The following DPYD variants were observed in gnomAD, a reference collection of about 807,000 sequenced individuals.
The protein encoded by DPYD is dihydropyrimidine dehydrogenase [NADP(+)].
DPYD carries 109 observed loss-of-function variants against 116.2 expected under a neutral mutation model. The observed-to-expected ratio is 0.94, with a 90% CI of 0.80 to 1.10. The LOEUF is 1.10. Among genes scored for constraint, DPYD ranks in the 50% least tolerant of loss-of-function variants. DPYD has a pLI of 0.00. For missense variants in DPYD, 1,302 were observed against 1,254.5 expected (o/e 1.04, Z -0.57); for synonymous variants, 440 against 432.0 (o/e 1.02, Z -0.23).
At chr1:97,603,468 T>A (rs930559839) in intron 8 of DPYD, among the ~76,000 whole-genome samples, 2 of 151,920 alleles carry the variant, frequency 1.3e-5, no homozygotes, top group South Asian at 4.1e-4. Context: ...TCGACATACA[T>A]AACGGAAAAA....
chr1:97,218,354 A>G (rs1660552431), intron 19 of DPYD, among the ~76,000 whole-genome samples: 1 of 151,996 alleles, frequency 6.6e-6, no homozygotes, highest in Admixed American at 6.6e-5. Flanking sequence ...ACAAAAAATG[A>G]CCAAAAACAT....
chr1:97,549,435 C>A, intron 12 of DPYD, 125 bp downstream of exon 12: 1 of 1,038,310 alleles, frequency 9.6e-7, no homozygotes, highest in Non-Finnish European at 1.4e-6. Context: ...CAAGTATGTA[C>A]GTGACATATT....
intron 14 of DPYD, among the ~76,000 whole-genome samples, chr1:97,394,950 C>G (rs1330392664): frequency 1.3e-5 from 2 of 151,964 alleles, no homozygotes; most frequent in Non-Finnish European, 2.9e-5. Flanking sequence ...CTGGTTTATG[C>G]AGGTAAGGGA....
chr1:97,781,888 T>C (rs1204532511), intron 3 of DPYD, among the ~76,000 whole-genome samples: 2 of 152,188 alleles, frequency 1.3e-5, no homozygotes, highest in Admixed American at 6.5e-5. Flanking sequence ...AACCACACCA[T>C]GCATGTCCAC....
chr1:97,229,190 C>A lies in DPYD; in HGVS notation c.2442+5662G>T, dbSNP rs181621656. On this transcript the variant is annotated intron_variant, in intron 19 of 22. Transcript: ENST00000370192. ...CTGCACTCCAGCCTGGGCAACAGTG[C>A]GAGACTCCTTCTCAAAAAAAAAAAA... Among the ~76,000 whole-genome samples the A allele has an allele frequency of 3.0e-3, 342 of 113,236 alleles. 1 individual carries two copies. Among genetic ancestry groups the A allele is most frequent in the Non-Finnish European group, 4.0e-3 (241 of 60,124 alleles). The allele number at this position is 113,236 out of a possible 152,430, so 74.3% of individuals were successfully genotyped here.
intron 18 of DPYD, among the ~76,000 whole-genome samples, chr1:97,288,547 C>T (rs1460100907): frequency 6.6e-6 from 1 of 152,036 alleles, no homozygotes; most frequent in East Asian, 1.9e-4. Context: ...CAAAACTGCT[C>T]AACTACACGG....
At chr1:97,766,288 G>C (rs1665852750) in intron 3 of DPYD, among the ~76,000 whole-genome samples, 1 of 151,960 alleles carries the variant, frequency 6.6e-6, no homozygotes, top group Admixed American at 6.6e-5. Flanking sequence ...TTTAAAGTAA[G>C]ATAATATACC....
intron 10 of DPYD, among the ~76,000 whole-genome samples, chr1:97,576,176 A>G (rs1653249573): frequency 6.6e-6 from 1 of 152,214 alleles, no homozygotes; most frequent in Non-Finnish European, 1.5e-5. Context: ...TTTGTGCCAC[A>G]TATCACCTTA....
intron 14 of DPYD, among the ~76,000 whole-genome samples, chr1:97,416,102 T>C (rs1338443537): frequency 1.3e-5 from 2 of 152,174 alleles, no homozygotes; most frequent in Non-Finnish European, 2.9e-5. Context: ...ACCATTGATG[T>C]TTCAGTTCTC....
chr1:97,132,525 C>T (rs1653417727), intron 20 of DPYD, among the ~76,000 whole-genome samples: 1 of 152,044 alleles, frequency 6.6e-6, no homozygotes, highest in South Asian at 2.1e-4. Context: ...ACAATAATAA[C>T]TATAGAACAT....
chr1:97,491,156 T>A (rs918227678), intron 13 of DPYD, among the ~76,000 whole-genome samples: 22 of 147,722 alleles, frequency 1.5e-4, no homozygotes, highest in Non-Finnish European at 2.8e-4. Flanking sequence ...AGATACTACA[T>A]AATAAAATAT....
At chr1:97,441,458 C>G (rs1675791359) in intron 14 of DPYD, among the ~76,000 whole-genome samples, 1 of 152,040 alleles carries the variant, frequency 6.6e-6, no homozygotes, top group South Asian at 2.1e-4. Context: ...TTTAAGGTTA[C>G]TAATCATTTC....
At chr1:97,368,787 T>C (rs1175672866) in intron 16 of DPYD, among the ~76,000 whole-genome samples, 1 of 152,192 alleles carries the variant, frequency 6.6e-6, no homozygotes, top group Non-Finnish European at 1.5e-5. Context: ...CACATATTCT[T>C]AGTCAAATGT....
At chr1:97,584,073 C>G (rs1335771508) in intron 10 of DPYD, among the ~76,000 whole-genome samples, 1 of 152,162 alleles carries the variant, frequency 6.6e-6, no homozygotes, top group Non-Finnish European at 1.5e-5. Context: ...CTCTCCAGCA[C>G]CTGTGGTTTC....
chr1:97,366,406 T>C (rs2101468611), intron 16 of DPYD, among the ~76,000 whole-genome samples: 1 of 152,328 alleles, frequency 6.6e-6, no homozygotes, highest in South Asian at 2.1e-4. Flanking sequence ...CATCAGATTT[T>C]AGTCACTTTT....
Position 97,112,468 on chromosome 1 carries a change from C to A in DPYD, c.2623-13836G>T, listed in dbSNP as rs773493352. Among the ~76,000 whole-genome samples the A allele has an allele frequency of 9.2e-5, 14 of 152,012 alleles. 1 individual carries two copies. Among genetic ancestry groups the A allele is most frequent in the Admixed American group, 5.9e-4 (9 of 15,240 alleles). ...AGTGCTTAAAGAATGAAAGCAAGAC[C>A]ATTCTGTAGCCTAAACTAGATGCTG... On this transcript the variant is annotated intron_variant, in intron 20 of 22. Coordinates refer to ENST00000370192, the MANE Select transcript of DPYD (RefSeq NM_000110.4).
intron 2 of DPYD, chr1:97,855,341 G>A (rs150615185): frequency 3.3e-5 from 5 of 152,268 alleles, no homozygotes; most frequent in East Asian, 3.9e-4. Flanking sequence ...CCCAGGCACA[G>A]GTCCCTGCAG....
intron 19 of DPYD, among the ~76,000 whole-genome samples, chr1:97,206,003 G>A (rs1659564180): frequency 6.6e-6 from 1 of 151,948 alleles, no homozygotes; most frequent in Non-Finnish European, 1.5e-5. Context: ...CTGTAATCAT[G>A]GGCTTGCTCT....
At chr1:97,350,726 GT>G (rs1383694171) in intron 16 of DPYD, among the ~76,000 whole-genome samples, 1 of 152,054 alleles carries the variant, frequency 6.6e-6, no homozygotes, top group Non-Finnish European at 1.5e-5. Flanking sequence ...GTTCAGGGTT[GT>G]TTTACATACT....
Sources: allele counts gnomAD v4.1 joint callset (sites outside exome capture counted in the v4.1 genomes callset), GRCh38; gene constraint gnomAD v4.1.1; transcripts MANE v1.5; gene names NCBI Gene and HGNC (gene_info 2026-07-23, HGNC 2026-07-21).